MYH10: variants seen among roughly 807,000 people sequenced by gnomAD.
The protein encoded by MYH10 is myosin heavy chain 10, also known as myosin-10.
MYH10 carries 55 observed loss-of-function variants against 257.8 expected under a neutral mutation model. The observed-to-expected ratio is 0.21, with a 90% CI of 0.17 to 0.27. MYH10 has a LOEUF of 0.27. Ranked by LOEUF, MYH10 falls within the 10% of genes least tolerant of loss-of-function variation. The pLI, the probability that MYH10 is intolerant of heterozygous loss-of-function variation, is 1.00. For missense variants in MYH10, 1,631 were observed against 2,500.6 expected, an observed-to-expected ratio of 0.65 and a Z score of 7.42; for synonymous variants, 854 against 921.7, an observed-to-expected ratio of 0.93 and a Z score of 1.33.
chr17:8,623,409 C>T (rs2085543131), intron 1 of MYH10, 132 bp from the exon 2 acceptor site: 1 of 751,156 alleles, frequency 1.3e-6, no homozygotes, highest in Admixed American at 4.0e-5. Context: ...TATACCTCTT[C>T]ACAGCCATAC....
Position 8,569,515 on chromosome 17 carries a change from G to T in MYH10, c.756+205C>A, listed in dbSNP as rs1036008107. Among the ~76,000 whole-genome samples the T allele has an allele frequency of 6.6e-6, 1 of 152,138 alleles. No individual in the cohort carries two copies. Among genetic ancestry groups the T allele is most frequent in the African/African-American group, 2.4e-5 (1 of 41,428 alleles). On this transcript the variant is annotated intron_variant, in intron 7 of 42. Transcript: ENST00000360416. The surrounding 1 kb of genome is among the most constrained non-coding windows in gnomAD (Gnocchi z 4.1). Reference sequence around the variant, plus strand: ...ATACATTTCTGTATGATAAAATGATGAAAGTTACTTACACATTACCTTTTT... The same window carrying T: ...ATACATTTCTGTATGATAAAATGATTAAAGTTACTTACACATTACCTTTTT...
At chr17:8,494,377 CAA>C (rs1374091399) in intron 31 of MYH10, among the ~76,000 whole-genome samples, 1 of 152,218 alleles carries the variant, frequency 6.6e-6, no homozygotes, top group East Asian at 1.9e-4. Flanking sequence ...TTTCAGACTG[CAA>C]AGTCTTCAGA....
intron 17 of MYH10, among the ~76,000 whole-genome samples, chr17:8,524,830 G>T (rs4791715): frequency 0.5 from 76,461 of 152,070 alleles, 20,219 homozygotes; most frequent in Middle Eastern, 0.62. Flanking sequence ...CTGTCGGATA[G>T]TGTCCAAATA....
intron 7 of MYH10, among the ~76,000 whole-genome samples, chr17:8,566,897 A>G (rs184902219): frequency 1.3e-5 from 2 of 152,350 alleles, no homozygotes; most frequent in African/African-American, 4.8e-5. Context: ...ATGACGGCTT[A>G]GTAGCAATTT....
At chr17:8,583,584 A>G (rs2083789147) in intron 4 of MYH10, among the ~76,000 whole-genome samples, 1 of 152,190 alleles carries the variant, frequency 6.6e-6, no homozygotes. Flanking sequence ...AAGAAAGAAC[A>G]CCAGAGTTCT....
intron 2 of MYH10, among the ~76,000 whole-genome samples, chr17:8,619,973 T>C (rs1211442356): frequency 2.0e-5 from 3 of 152,220 alleles, no homozygotes; most frequent in African/African-American, 7.2e-5. Context: ...CATTTAGGGA[T>C]GCATACTTCA....
At chr17:8,613,032 G>C (rs2085105714) in intron 2 of MYH10, among the ~76,000 whole-genome samples, 1 of 152,182 alleles carries the variant, frequency 6.6e-6, no homozygotes, top group Non-Finnish European at 1.5e-5. Context: ...CACAGTAAAA[G>C]TGTTGAAATC....
rs57833859 is a variant in MYH10 at position 8,569,221 on chromosome 17, CAAA to C, written c.756+496_756+498del. Among the ~76,000 whole-genome samples, 7 of 138,708 alleles carry C rather than the reference CAAA, an allele frequency of 5.0e-5. No homozygotes were observed. Among genetic ancestry groups the C allele is most frequent in the Non-Finnish European group, 7.9e-5 (5 of 63,538 alleles). The allele number at this position is 138,708 out of a possible 152,430, so 91.0% of individuals were successfully genotyped here. On this transcript the variant is annotated intron_variant, in intron 7 of 42. Coordinates refer to ENST00000360416, the MANE Select transcript of MYH10 (RefSeq NM_001256012.3). This position sits in a 1 kb window ranked among gnomAD's most constrained non-coding sequence, Gnocchi z 4.1. Reference sequence around the variant, plus strand: ...TGGGTGACAGAGCAAGACCCTGTCTCAAAAAAAAAAAAAAATTAAAGAGAAGTC... The same window carrying C: ...TGGGTGACAGAGCAAGACCCTGTCTCAAAAAAAAAAAATTAAAGAGAAGTC...
chr17:8,583,185 C>T (rs1179940087), intron 4 of MYH10, among the ~76,000 whole-genome samples: 9 of 152,244 alleles, frequency 5.9e-5, no homozygotes, highest in Middle Eastern at 3.4e-3. Flanking sequence ...CAAAGATTAA[C>T]GGAGAGAACA....
chr17:8,613,135 T>C (rs2085109062), intron 2 of MYH10, among the ~76,000 whole-genome samples: 1 of 152,122 alleles, frequency 6.6e-6, no homozygotes, highest in Non-Finnish European at 1.5e-5. Context: ...AACTACAAGC[T>C]GAATTCTCAA....
Position 8,474,463 on chromosome 17 carries a change from T to C in MYH10, c.*1341A>G, listed in dbSNP as rs1161931971. The C allele has an allele frequency of 1.3e-5, 2 of 152,568 alleles. No individual in the cohort carries two copies. Among genetic ancestry groups the C allele is most frequent in the African/African-American group, 4.8e-5 (2 of 41,436 alleles). 9.5% of individuals were successfully genotyped at this position (152,568 alleles called of 1,614,324 possible). ...CAGGACAAATTCTTCCTAATAGATG[T>C]TAAAGCTTTTAACCCAAAAGGTTTG... On this transcript the variant is annotated 3_prime_UTR_variant, in exon 43 of 43. Transcript: ENST00000360416.
At chr17:8,598,674 A>AT (rs910530492) in intron 3 of MYH10, among the ~76,000 whole-genome samples, 9 of 151,708 alleles carry the variant, frequency 5.9e-5, no homozygotes, top group African/African-American at 2.2e-4. Flanking sequence ...GGCTTTTGCC[A>AT]TAACTCACAA....
chr17:8,542,013 T>TGAACAGAC, intron 14 of MYH10, 94 bp downstream of exon 14: 1 of 1,249,138 alleles, frequency 8.0e-7, no homozygotes. Context: ...ATTTCACCAC[T>TGAACAGAC]GAACAGACTG....
At position 8,524,754 on chromosome 17, in the gene MYH10, T is replaced by C. The variant is rs147090934; in HGVS notation, c.1958-3469A>G. ...CCTTCATTTACACCTTTTGTCCCTG[T>C]GTAATGTAGCAGCCACTTCTAAAAG... On this transcript the variant is annotated intron_variant, in intron 17 of 42. Transcript: ENST00000360416. Among the ~76,000 whole-genome samples the C allele has an allele frequency of 9.2e-5, 14 of 152,332 alleles. No homozygotes were observed. The East Asian group carries it at 2.5e-3, about 27-fold the overall frequency.
rs1229402366 is a variant in MYH10 at position 8,481,413 on chromosome 17, A to G, written c.5176-3T>C. On this transcript the variant is annotated splice_region_variant and splice_polypyrimidine_tract_variant and intron_variant, in intron 37 of 42. Coordinates refer to ENST00000360416, the MANE Select transcript of MYH10 (RefSeq NM_001256012.3). ...GCTCGCTCAGATGAGGCAAGTTCCT[A>G]AGCAGTGGAGACTGCGTTAAGCTCT... 2.1e-5 allele frequency: 34 copies of G among 1,613,646 alleles called. No individual in the cohort carries two copies. Among genetic ancestry groups the G allele is most frequent in the Non-Finnish European group, 2.8e-5 (33 of 1,179,886 alleles).
intron 2 of MYH10, among the ~76,000 whole-genome samples, chr17:8,622,562 G>A (rs2085507883): frequency 6.6e-6 from 1 of 152,098 alleles, no homozygotes; most frequent in South Asian, 2.1e-4. Context: ...TGCTGTCTGC[G>A]TCCAATTAAT....
At chr17:8,614,777 C>T (rs771357529) in intron 2 of MYH10, among the ~76,000 whole-genome samples, 2 of 151,932 alleles carry the variant, frequency 1.3e-5, no homozygotes, top group Admixed American at 1.3e-4. Context: ...TATAGAGGAC[C>T]AACAAAGTCA....
At chr17:8,630,106 G>A (rs561205946) in intron 1 of MYH10, among the ~76,000 whole-genome samples, 5 of 151,958 alleles carry the variant, frequency 3.3e-5, no homozygotes, top group East Asian at 2.0e-4. Context: ...ACCCACGCAG[G>A]GGCCCTTCCT....
rs553551448 is a variant in MYH10, at chr17:8,487,494, G to T, written c.4985C>A (p.Ala1662Asp). The change falls in exon 36 of 43, where the codon GCC becomes GAC. Residue 1662 changes from alanine to aspartate, a missense_variant. This residue lies in a region of MYH10 where 463 missense variants were observed against 621.8 expected (regional missense o/e 0.74). Transcript: ENST00000360416. ...AGCTTTGTTCGCAGCCTCGATTTGG[G>T]CTTCGAGGTCCTTCAGGTCTATCTC... ...KMEIDLKDLEAQIEAANKARD... is the reference protein window; with the variant it reads ...KMEIDLKDLEDQIEAANKARD... 58 of 1,614,190 alleles carry T rather than the reference G, an allele frequency of 3.6e-5. No homozygotes were observed. In the South Asian group the frequency reaches 6.4e-4, roughly 18 times the overall value.
Sources: gnomAD v4.1 joint callset for allele counts (sites outside exome capture counted in the v4.1 genomes callset) on GRCh38, gnomAD v4.1.1 for gene constraint, gnomAD v4.1.1 regional missense constraint, Gnocchi (gnomAD v3.1) non-coding constraint, MANE v1.5 for transcripts, NCBI Gene and HGNC (gene_info 2026-07-23, HGNC 2026-07-21) for gene names.